SEMA3A: variants seen among roughly 807,000 people sequenced by gnomAD.
SEMA3A encodes semaphorin 3A.
Under a neutral mutation model 97.9 loss-of-function variants are expected in SEMA3A, and 29 were observed. The observed-to-expected ratio is 0.30, with a 90% CI of 0.22 to 0.40. The LOEUF (loss-of-function observed/expected upper bound fraction) is 0.40, where lower values mean the gene tolerates loss of function less well. SEMA3A is among the 10% of genes least tolerant of loss of function. The probability of loss-of-function intolerance (pLI) is 1.00; values close to 1 mark genes in which losing one functional copy is unlikely to be tolerated. For missense variants in SEMA3A, 763 were observed against 951.3 expected, an observed-to-expected ratio of 0.80 and a Z score of 2.60; for synonymous variants, 321 against 323.7, an observed-to-expected ratio of 0.99 and a Z score of 0.09.
At chr7:84,277,063 ATATCAAT>A in intron 3 of SEMA3A, among the ~76,000 whole-genome samples, 1 of 152,060 alleles carries the variant, frequency 6.6e-6, no homozygotes, top group Admixed American at 6.6e-5. Context: ...ATTTCCCTCT[ATATCAAT>A]TATTTTACAT....
intron 1 of SEMA3A, among the ~76,000 whole-genome samples, chr7:84,449,519 A>G (rs1251068476): frequency 1.3e-5 from 2 of 152,206 alleles, no homozygotes; most frequent in Admixed American, 6.5e-5. Flanking sequence ...TAAAAAGATT[A>G]ATAAGAGGAT....
intron 1 of SEMA3A, among the ~76,000 whole-genome samples, chr7:84,159,651 G>A (rs1448278488): frequency 6.6e-6 from 1 of 152,022 alleles, no homozygotes; most frequent in Non-Finnish European, 1.5e-5. Context: ...CAACATTAAG[G>A]CAATTTGCAG....
chr7:84,085,091 T>C (rs909896661), intron 4 of SEMA3A, among the ~76,000 whole-genome samples: 1 of 152,078 alleles, frequency 6.6e-6, no homozygotes, highest in Non-Finnish European at 1.5e-5. Context: ...TCTTTATACA[T>C]ACATTTAGAA....
chr7:84,300,032 C>CAAAAAAAAAA (rs58929555), intron 3 of SEMA3A, among the ~76,000 whole-genome samples: 195 of 51,938 alleles, frequency 3.8e-3, no homozygotes, highest in Middle Eastern at 0.012. Context: ...GACTCAGTCA[C>CAAAAAAAAAA]AAAAAAAAAA....
At chr7:84,091,782 C>T (rs531366894) in intron 4 of SEMA3A, among the ~76,000 whole-genome samples, 126 of 152,154 alleles carry the variant, frequency 8.3e-4, no homozygotes, top group African/African-American at 2.8e-3. Flanking sequence ...TATTAATAAC[C>T]GTGAGTGAAG....
chr7:84,419,687 G>A (rs1584309471), intron 1 of SEMA3A, among the ~76,000 whole-genome samples: 1 of 152,242 alleles, frequency 6.6e-6, no homozygotes, highest in Non-Finnish European at 1.5e-5. Context: ...TGGAATGTAT[G>A]CTCAGCAAAA....
Position 84,344,994 on chromosome 7 carries a change from T to A in SEMA3A, c.-169+26830A>T, listed in dbSNP as rs118125330. On this transcript the variant is annotated intron_variant, in intron 2 of 3. Transcript: ENST00000424555. ...ATCTACAACACATTAATAATAATACTATTTAAACAGTGTCTAAAATATTTA... is the reference window on the plus strand; with the variant it reads ...ATCTACAACACATTAATAATAATACAATTTAAACAGTGTCTAAAATATTTA... 0.01 allele frequency among the ~76,000 whole-genome samples: 1,567 copies of A among 152,302 alleles called. 48 individuals carry two copies. The East Asian group carries it at 0.12, about 11-fold the overall frequency.
Position 84,402,680 on chromosome 7 carries a change from G to T in SEMA3A, c.-245-30780C>A, listed in dbSNP as rs566595501. 2.6e-5 allele frequency among the ~76,000 whole-genome samples: 4 copies of T among 152,174 alleles called. No homozygotes were observed. In the South Asian group the frequency reaches 8.3e-4, roughly 32 times the overall value. Reference sequence around the variant, plus strand: ...CATAAAAAGAATATTATTATTAATGGATGAATAAATAAAGATAATGTGGTG... The same window carrying T: ...CATAAAAAGAATATTATTATTAATGTATGAATAAATAAAGATAATGTGGTG... On this transcript the variant is annotated intron_variant, in intron 1 of 3. Coordinates refer to the SEMA3A transcript ENST00000424555.
chr7:84,452,302 C>A (rs1014106417), intron 1 of SEMA3A, among the ~76,000 whole-genome samples: 2 of 151,856 alleles, frequency 1.3e-5, no homozygotes, highest in Non-Finnish European at 2.9e-5. Flanking sequence ...AAATATGAAC[C>A]TACTTAGATG....
At chr7:84,161,759 A>G (rs970435845) in intron 1 of SEMA3A, among the ~76,000 whole-genome samples, 1 of 152,212 alleles carries the variant, frequency 6.6e-6, no homozygotes, top group African/African-American at 2.4e-5. Flanking sequence ...GGTATTTACT[A>G]AGGAACAAAA....
chr7:84,476,317 C>A (rs1451874064), intron 1 of SEMA3A, among the ~76,000 whole-genome samples: 4 of 151,174 alleles, frequency 2.6e-5, no homozygotes, highest in Non-Finnish European at 4.4e-5. Context: ...CGAGATCGCA[C>A]CACTGCACTC....
chr7:84,163,157 C>T (rs1797093920), intron 1 of SEMA3A, among the ~76,000 whole-genome samples: 1 of 152,060 alleles, frequency 6.6e-6, no homozygotes, highest in South Asian at 2.1e-4. Context: ...ATTGCTAGAG[C>T]TAAAATTTGA....
chr7:83,995,559 TATG>T (rs1239393601), intron 12 of SEMA3A, among the ~76,000 whole-genome samples: 4 of 152,208 alleles, frequency 2.6e-5, no homozygotes, highest in African/African-American at 9.7e-5. Context: ...GACAATATAT[TATG>T]ATGACATTCA....
At chr7:84,378,028 C>T (rs1803152898) in intron 1 of SEMA3A, among the ~76,000 whole-genome samples, 1 of 151,998 alleles carries the variant, frequency 6.6e-6, no homozygotes, top group Non-Finnish European at 1.5e-5. Context: ...TATCTCAAAG[C>T]CTTTCTCCTT....
intron 1 of SEMA3A, among the ~76,000 whole-genome samples, chr7:84,177,674 G>A (rs1797612031): frequency 6.6e-6 from 1 of 152,062 alleles, no homozygotes; most frequent in Admixed American, 6.6e-5. Flanking sequence ...GTAAGTTGGA[G>A]TTGTTTCCTC....
At chr7:84,425,746 G>T (rs949026776) in intron 1 of SEMA3A, among the ~76,000 whole-genome samples, 5 of 148,888 alleles carry the variant, frequency 3.4e-5, no homozygotes, top group Non-Finnish European at 3.0e-5. Flanking sequence ...TCTGAGGTTC[G>T]CAGATCACAA....
chr7:84,051,570 G>T (rs889162550), intron 5 of SEMA3A, among the ~76,000 whole-genome samples: 1 of 152,182 alleles, frequency 6.6e-6, no homozygotes, highest in Non-Finnish European at 1.5e-5. Flanking sequence ...TGTATCCTGA[G>T]ACTTTGCTGA....
At chr7:84,091,458 T>C (rs3801615) in intron 4 of SEMA3A, among the ~76,000 whole-genome samples, 62,610 of 151,728 alleles carry the variant, frequency 0.41, 14,788 homozygotes, top group Admixed American at 0.52. Flanking sequence ...AAAGAGTAAA[T>C]GCCAAACTAA....
intron 3 of SEMA3A, among the ~76,000 whole-genome samples, chr7:84,240,958 A>T (rs1197012367): frequency 6.6e-6 from 1 of 152,134 alleles, no homozygotes; most frequent in Admixed American, 6.5e-5. Flanking sequence ...TGGCTGCATA[A>T]TATTCCATGG....
Sources: allele counts gnomAD v4.1 joint callset (sites outside exome capture counted in the v4.1 genomes callset), GRCh38; gene constraint gnomAD v4.1.1; transcripts MANE v1.5; gene names NCBI Gene and HGNC (gene_info 2026-07-23, HGNC 2026-07-21).